The following PCARE variants were observed in gnomAD, a reference collection of about 807,000 sequenced individuals.
PCARE encodes the protein uncharacterized protein C2orf71.
A neutral mutation model predicts 82.2 loss-of-function variants in PCARE; 72 were observed. The ratio of observed to expected loss-of-function variants is 0.88; its 90% CI spans 0.72 to 1.07. PCARE has a LOEUF of 1.07. PCARE is among the 50% of genes least tolerant of loss of function. The probability of loss-of-function intolerance (pLI) is 0.00; values close to 1 mark genes in which losing one functional copy is unlikely to be tolerated. For synonymous variants in PCARE, 705 were observed against 634.8 expected (o/e 1.11, Z -1.66); for missense variants, 1,768 against 1,592.4 (o/e 1.11, Z -1.88).
In PCARE at chr2:29,072,433, T is replaced by C. The variant is rs2148416027; in HGVS notation, c.1829A>G (p.Gln610Arg). ...LQSHVEDPTF[Q>R]ELRRVQRDLS... ...GTCCCTCTGGACCCTTCGCAGCTCC[T>C]GAAAGGTGGGGTCCTCCACGTGACT... is the stretch of plus-strand genomic sequence containing the variant. Residue 610 changes from glutamine (Q) to arginine (R), a missense_variant, in exon 1 of 2, where the codon CAG becomes CGG. By Grantham distance (43) the Gln-to-Arg change is conservative (BLOSUM62 1). Coordinates refer to ENST00000331664, the MANE Select transcript of PCARE (RefSeq NM_001029883.3). 1 of 1,614,182 alleles carries C rather than the reference T, an allele frequency of 6.2e-7. No individual in the cohort carries two copies. Among genetic ancestry groups the C allele is most frequent in the Non-Finnish European group, 8.5e-7 (1 of 1,180,024 alleles).
chr2:29,070,576 C>A lies in PCARE; in HGVS notation c.3668+18G>T, dbSNP rs904535909. On this transcript the variant is annotated intron_variant, in intron 1 of 1. Transcript: ENST00000331664. ...AGTCCAAGCCGCTGAAGGGCAGTGACCCCAGGACACTCCTTACCTGTTCTG... is the reference window on the plus strand; with the variant it reads ...AGTCCAAGCCGCTGAAGGGCAGTGAACCCAGGACACTCCTTACCTGTTCTG... 1 of 1,613,876 alleles carries A rather than the reference C, an allele frequency of 6.2e-7. No homozygotes were observed. Among genetic ancestry groups the A allele is most frequent in the Admixed American group, 1.7e-5 (1 of 60,032 alleles).
intron 1 of PCARE, among the ~76,000 whole-genome samples, chr2:29,067,544 CT>C (rs908601030): frequency 6.6e-6 from 1 of 152,038 alleles, no homozygotes; most frequent in Non-Finnish European, 1.5e-5. Flanking sequence ...CCCTCTCTCT[CT>C]TTTTTTACAT....
rs555614754 is a variant in PCARE, at chr2:29,074,512, C to T, written c.-251G>A. Reference sequence around the variant, plus strand: ...GGAACCCTCTGCTGTTAGTGAGCAGCGGGACAATTCTGAAGGCTCCCAGCC... The same window carrying T: ...GGAACCCTCTGCTGTTAGTGAGCAGTGGGACAATTCTGAAGGCTCCCAGCC... On this transcript the variant is annotated 5_prime_UTR_variant, in exon 1 of 2. Coordinates refer to ENST00000331664, the MANE Select transcript of PCARE (RefSeq NM_001029883.3). Among the ~76,000 whole-genome samples the T allele has an allele frequency of 9.2e-5, 14 of 152,260 alleles. No individual in the cohort carries two copies. In the East Asian group the frequency reaches 1.2e-3, roughly 13 times the overall value.
In PCARE at chr2:29,071,618, G is replaced by A; in HGVS notation, c.2644C>T (p.Leu882=). Residue 882 remains leucine (L), a synonymous_variant, in exon 1 of 2, where the codon CTG becomes TTG. Coordinates refer to ENST00000331664, the MANE Select transcript of PCARE (RefSeq NM_001029883.3). ...TCCAGGGGGCTCACAGAGGCCCTCA[G>A]CTTTGGGGAAGCCCATGTTCTCCTG... The part of the protein sequence containing the change: ...PTRRTWASPK[L]RASVSPLDLL... 1 of 1,613,482 alleles carries A rather than the reference G, an allele frequency of 6.2e-7. No individual in the cohort carries two copies. Among genetic ancestry groups the A allele is most frequent in the Non-Finnish European group, 8.5e-7 (1 of 1,179,844 alleles).
rs1667500830 is a variant in PCARE, at chr2:29,072,112, G to C, written c.2150C>G (p.Ala717Gly). The C allele has an allele frequency of 3.1e-6, 5 of 1,614,224 alleles. No individual in the cohort carries two copies. Among genetic ancestry groups the C allele is most frequent in the Non-Finnish European group, 4.2e-6 (5 of 1,180,044 alleles). ...PSGEVSEAAK[A>G]TDWNVRGCPT... Reference sequence around the variant, plus strand: ...ACAGCCTCTGACATTCCAGTCTGTGGCCTTGGCAGCCTCACTGACCTCTCC... The same window carrying C: ...ACAGCCTCTGACATTCCAGTCTGTGCCCTTGGCAGCCTCACTGACCTCTCC... The change falls in exon 1 of 2, where the codon GCC (alanine) becomes GGC (glycine). Residue 717 changes from alanine (A) to glycine (G), a missense_variant. Ala to Gly is a moderately conservative substitution (Grantham distance 60). Coordinates refer to ENST00000331664, the MANE Select transcript of PCARE (RefSeq NM_001029883.3).
chr2:29,065,211 C>T lies in PCARE; in HGVS notation c.3669-144G>A, dbSNP rs1446898880. On this transcript the variant is annotated intron_variant, in intron 1 of 1. Coordinates refer to ENST00000331664, the MANE Select transcript of PCARE (RefSeq NM_001029883.3). The stretch of plus-strand genomic sequence containing the variant: ...TCACCCTGGGTGCCAGGCCTCTGCC[C>T]TCTGTACCAGGCTTGCCAGGCTGGT... 2.9e-6 allele frequency: 3 copies of T among 1,017,008 alleles called. No individual in the cohort carries two copies. In the African/African-American group the frequency reaches 4.8e-5, roughly 16 times the overall value. The allele number at this position is 1,017,008 out of a possible 1,614,324, so 63.0% of individuals were successfully genotyped here.
rs1667529249 is a variant in PCARE, at chr2:29,073,416, A to T, written c.846T>A (p.Asn282Lys). The T allele has an allele frequency of 1.2e-6, 2 of 1,613,940 alleles. No individual in the cohort carries two copies. Among genetic ancestry groups the T allele is most frequent in the East Asian group, 4.5e-5 (2 of 44,892 alleles). Residue 282 changes from asparagine to lysine, a missense_variant, in exon 1 of 2, where the codon AAT (asparagine) becomes AAA (lysine). By Grantham distance (94) the Asn-to-Lys change is moderately conservative (BLOSUM62 0). Coordinates refer to ENST00000331664, the MANE Select transcript of PCARE (RefSeq NM_001029883.3). ...TGCCGGTGAGCGAGGCCACTGTGCCATTGAGCACCTGCAGCTTGCTGACTG... is the reference window on the plus strand; with the variant it reads ...TGCCGGTGAGCGAGGCCACTGTGCCTTTGAGCACCTGCAGCTTGCTGACTG... ...QYTVSKLQVL[N>K]GTVASLTGSF...
rs774720788 is a variant in PCARE at position 29,070,931 on chromosome 2, C to T, written c.3331G>A (p.Val1111Ile). The T allele has an allele frequency of 3.1e-6, 5 of 1,613,182 alleles. No homozygotes were observed. The highest frequency in any genetic ancestry group is 1.1e-5 in the South Asian group (1 of 91,074). Residue 1111 changes from valine to isoleucine, a missense_variant, in exon 1 of 2, where the codon GTC becomes ATC. Transcript: ENST00000331664. Reference protein sequence around the residue: ...ETRDSEDSQAVIAKVSGNTHS... With the variant: ...ETRDSEDSQAIIAKVSGNTHS... ...GTGTTCCCAGACACTTTGGCTATGA[C>T]TGCTTGGCTGTCTTCAGAGTCTCTT...
In PCARE at chr2:29,073,474, T is replaced by TGCTCCTGGG; in HGVS notation, c.779_787dup (p.Pro260_Glu262dup). 1 of 1,614,212 alleles carries TGCTCCTGGG rather than the reference T, an allele frequency of 6.2e-7. No individual in the cohort carries two copies. Among genetic ancestry groups the TGCTCCTGGG allele is most frequent in the Non-Finnish European group, 8.5e-7 (1 of 1,180,024 alleles). ...TAGCAGCTGTTGCAGGAGATTTGGCTGCTCCTGGGGCTCTCTTTTCTTCAA... is the reference window on the plus strand; with the variant it reads ...TAGCAGCTGTTGCAGGAGATTTGGCTGCTCCTGGGGCTCCTGGGGCTCTCTTTTCTTCAA... On this transcript the variant is annotated inframe_insertion, in exon 1 of 2. Transcript: ENST00000331664.
rs113638734 is a variant in PCARE at position 29,072,067 on chromosome 2, T to C, written c.2195A>G (p.Lys732Arg). 4.3e-6 allele frequency: 7 copies of C among 1,614,256 alleles called. No individual in the cohort carries two copies. The African/African-American group carries it at 5.3e-5, about 12-fold the overall frequency. ...GGGACTGAAAGTTTCAATAAGCTTC[T>C]TGACGGATGTTCTGGTGGGACAGCC... is the stretch of plus-strand genomic sequence containing the variant. Reference protein sequence around the residue: ...VRGCPTRTSVKKLIETFSPTE... With the variant: ...VRGCPTRTSVRKLIETFSPTE... The change falls in exon 1 of 2, where the codon AAG becomes AGG. Residue 732 changes from lysine (K) to arginine (R), a missense_variant. By Grantham distance (26) the Lys-to-Arg change is conservative. Coordinates refer to ENST00000331664, the MANE Select transcript of PCARE (RefSeq NM_001029883.3).
chr2:29,069,761 T>TA (rs1667441925), intron 1 of PCARE, among the ~76,000 whole-genome samples: 1 of 152,140 alleles, frequency 6.6e-6, no homozygotes, highest in East Asian at 1.9e-4. Context: ...ACGTATTTTT[T>TA]AAAAAAATAA....
chr2:29,069,128 A>T (rs923744438), intron 1 of PCARE, among the ~76,000 whole-genome samples: 1 of 152,252 alleles, frequency 6.6e-6, no homozygotes, highest in African/African-American at 2.4e-5. Flanking sequence ...GAATCCGGTC[A>T]TCTTATATTA....
rs1479389191 is a variant in PCARE, at chr2:29,064,984, G to A, written c.3752C>T (p.Ala1251Val). The change falls in exon 2 of 2, where the codon GCA (alanine) becomes GTA (valine). Residue 1251 changes from alanine to valine, a missense_variant. Coordinates refer to ENST00000331664, the MANE Select transcript of PCARE (RefSeq NM_001029883.3). ...SPELQGGTRR[A>V]SPPEFCVLGH... ...CAGCACACAGAACTCTGGGGGAGAT[G>A]CACGCCTGGTGCCGCCCTGCAGTTC... 1.9e-6 allele frequency: 3 copies of A among 1,587,002 alleles called. No homozygotes were observed. The highest frequency in any genetic ancestry group is 2.6e-6 in the Non-Finnish European group (3 of 1,166,534).
intron 1 of PCARE, among the ~76,000 whole-genome samples, chr2:29,070,351 G>A (rs1289708806): frequency 6.6e-6 from 1 of 151,966 alleles, no homozygotes; most frequent in Non-Finnish European, 1.5e-5. Context: ...TTTTAATACA[G>A]CAGGGCCTCT....
chr2:29,065,526 C>T (rs926003663), intron 1 of PCARE, among the ~76,000 whole-genome samples: 13 of 152,228 alleles, frequency 8.5e-5, no homozygotes, highest in African/African-American at 3.1e-4. Flanking sequence ...ACAGCTTGGC[C>T]CAGCGCAGGC....
rs1667483235 is a variant in PCARE at position 29,071,526 on chromosome 2, C to T, written c.2736G>A (p.Arg912=). ...KPHSTGPGSG[R]SSCQPRKPAL... ...CTGGCTTCCTGGGCTGGCAGCTGCT[C>T]CTGCCACTCCCTGGCCCTGTGCTGT... The change falls in exon 1 of 2, where the codon AGG becomes AGA. Residue 912 remains arginine (R), a synonymous_variant. Coordinates refer to ENST00000331664, the MANE Select transcript of PCARE (RefSeq NM_001029883.3). The T allele has an allele frequency of 6.2e-7, 1 of 1,609,974 alleles. No individual in the cohort carries two copies. Among genetic ancestry groups the T allele is most frequent in the Non-Finnish European group, 8.5e-7 (1 of 1,179,948 alleles).
rs778263172 is a variant in PCARE, at chr2:29,070,605, G to A, written c.3657C>T (p.Leu1219=). ...AGGACACTCCTTACCTGTTCTGGCC[G>A]AGCTGGGATTCATAAGAGGTGCTGG... ...DPTSTSYESQ[L]GQNSSSEESP... Residue 1219 remains leucine, a synonymous_variant, in exon 1 of 2, where the codon CTC becomes CTT. Transcript: ENST00000331664. 1.9e-5 allele frequency: 30 copies of A among 1,614,008 alleles called. No homozygotes were observed. The Admixed American group carries it at 3.0e-4, about 16-fold the overall frequency.
Position 29,070,744 on chromosome 2 carries a change from G to C in PCARE, c.3518C>G (p.Ala1173Gly). Residue 1173 changes from alanine to glycine, a missense_variant, in exon 1 of 2, where the codon GCA becomes GGA. Transcript: ENST00000331664. ...WKNSSGPWLR[A>G]DSQRRAALCA... Reference sequence around the variant, plus strand: ...CAGAGCTGCTCTCCGCTGCGAGTCTGCTCTCAGCCAAGGCCCTGAGCTGTT... The same window carrying C: ...CAGAGCTGCTCTCCGCTGCGAGTCTCCTCTCAGCCAAGGCCCTGAGCTGTT... 1 of 1,614,166 alleles carries C rather than the reference G, an allele frequency of 6.2e-7. No homozygotes were observed. Among genetic ancestry groups the C allele is most frequent in the Non-Finnish European group, 8.5e-7 (1 of 1,180,044 alleles).
chr2:29,070,589 C>G lies in PCARE; in HGVS notation c.3668+5G>C. On this transcript the variant is annotated splice_donor_5th_base_variant and intron_variant, in intron 1 of 1. Coordinates refer to ENST00000331664, the MANE Select transcript of PCARE (RefSeq NM_001029883.3). The stretch of plus-strand genomic sequence containing the variant: ...GAAGGGCAGTGACCCCAGGACACTC[C>G]TTACCTGTTCTGGCCGAGCTGGGAT... 6.2e-7 allele frequency: 1 copy of G among 1,613,918 alleles called. No individual in the cohort carries two copies. Among genetic ancestry groups the G allele is most frequent in the Non-Finnish European group, 8.5e-7 (1 of 1,179,854 alleles).
Sources: allele counts gnomAD v4.1 joint callset (sites outside exome capture counted in the v4.1 genomes callset), GRCh38; gene constraint gnomAD v4.1.1; transcripts MANE v1.5; gene names NCBI Gene and HGNC (gene_info 2026-07-23, HGNC 2026-07-21).